PCBP3: variants seen among roughly 807,000 people sequenced by gnomAD.
PCBP3 encodes the protein poly(rC) binding protein 3, also known as poly(rC)-binding protein 3.
Under a neutral mutation model 52.7 loss-of-function variants are expected in PCBP3, and 25 were observed. The observed-to-expected ratio is 0.47, with a 90% CI of 0.35 to 0.66. The LOEUF (loss-of-function observed/expected upper bound fraction) is 0.66. Ranked by LOEUF, PCBP3 falls within the 30% of genes least tolerant of loss-of-function variation. PCBP3 has a pLI of 0.01. For synonymous variants in PCBP3, 162 were observed against 183.0 expected, an observed-to-expected ratio of 0.89 and a Z score of 0.93; for missense variants, 391 against 490.3, an observed-to-expected ratio of 0.80 and a Z score of 1.91.
At chr21:45,852,042 A>G (rs1218703972) in intron 5 of PCBP3, among the ~76,000 whole-genome samples, 1 of 152,252 alleles carries the variant, frequency 6.6e-6, no homozygotes, top group Non-Finnish European at 1.5e-5. Flanking sequence ...TCTGTTAACA[A>G]TAGGGTGACT....
At chr21:45,689,692 A>G (rs1245832030) in intron 2 of PCBP3, among the ~76,000 whole-genome samples, 1 of 152,154 alleles carries the variant, frequency 6.6e-6, no homozygotes, top group East Asian at 1.9e-4. Flanking sequence ...AATTGAGGAT[A>G]CAAGTTCAAT....
chr21:45,833,369 A>G (rs1449861273), intron 4 of PCBP3, among the ~76,000 whole-genome samples: 1 of 152,148 alleles, frequency 6.6e-6, no homozygotes, highest in Non-Finnish European at 1.5e-5. Context: ...CTCTGTAAAG[A>G]AGGCAATGCC....
At chr21:45,658,084 A>G (rs779558111) in intron 1 of PCBP3, among the ~76,000 whole-genome samples, 1 of 152,150 alleles carries the variant, frequency 6.6e-6, no homozygotes, top group Admixed American at 6.5e-5. Flanking sequence ...TTTCCCTTCT[A>G]TCCCTATTTT....
At chr21:45,776,872 A>T (rs917592622) in intron 4 of PCBP3, among the ~76,000 whole-genome samples, 1 of 152,044 alleles carries the variant, frequency 6.6e-6, no homozygotes, top group Admixed American at 6.6e-5. Context: ...ATTATATGAC[A>T]GGTTTGTTTC....
intron 4 of PCBP3, among the ~76,000 whole-genome samples, chr21:45,822,642 T>G (rs542601406): frequency 1.3e-5 from 2 of 149,698 alleles, no homozygotes; most frequent in African/African-American, 5.0e-5. Context: ...GGACCCGGCA[T>G]GGGACAGGGT....
intron 2 of PCBP3, among the ~76,000 whole-genome samples, chr21:45,727,432 T>C (rs2085132408): frequency 6.6e-6 from 1 of 152,166 alleles, no homozygotes; most frequent in Non-Finnish European, 1.5e-5. Flanking sequence ...AAGAAAGTGT[T>C]TGTACCCACA....
At chr21:45,862,884 C>T (rs1422260518) in intron 5 of PCBP3, among the ~76,000 whole-genome samples, 1 of 152,210 alleles carries the variant, frequency 6.6e-6, no homozygotes, top group East Asian at 1.9e-4. Context: ...GGTAAGAAGC[C>T]TGTAACAGAA....
At chr21:45,933,251 A>G (rs554602715) in intron 15 of PCBP3, among the ~76,000 whole-genome samples, 9 of 152,190 alleles carry the variant, frequency 5.9e-5, no homozygotes, top group Non-Finnish European at 1.2e-4. Context: ...CTTGAGATGA[A>G]TGAACACATC....
At position 45,688,876 on chromosome 21, in the gene PCBP3, C is replaced by A. The variant is rs556279302; in HGVS notation, c.-200+19924C>A. Among the ~76,000 whole-genome samples, 182 of 149,206 alleles carry A rather than the reference C, an allele frequency of 1.2e-3. 1 individual carries two copies. Among genetic ancestry groups the A allele is most frequent in the Admixed American group, 8.4e-3 (127 of 15,076 alleles). On this transcript the variant is annotated intron_variant, in intron 2 of 17. Transcript: ENST00000681687. ...AAAATTCAGTACCTTAAAAAAAAAA[C>A]AACAACAAAAACAAATTACTAAAAT...
Position 45,827,981 on chromosome 21 carries a change from T to G in PCBP3, c.-125-21980T>G, listed in dbSNP as rs570002136. The stretch of plus-strand genomic sequence containing the variant: ...CCAGTGGCTGATACATAGACAAGTT[T>G]ATTTCCTGTTCACCTGTGTCAGCTG... On this transcript the variant is annotated intron_variant, in intron 4 of 17. Coordinates refer to ENST00000681687, the MANE Select transcript of PCBP3 (RefSeq NM_001384156.1). This position sits in a 1 kb window ranked among gnomAD's most constrained non-coding sequence, Gnocchi z 4.3. 1.9e-4 allele frequency: 29 copies of G among 152,442 alleles called. No homozygotes were observed. The highest frequency in any genetic ancestry group is 5.3e-4 in the African/African-American group (22 of 41,566). 9.4% of individuals were successfully genotyped at this position (152,442 alleles called of 1,614,324 possible). A position where few individuals can be genotyped will look rare whatever the true frequency, so the allele number is the denominator to read the frequency against.
intron 3 of PCBP3, among the ~76,000 whole-genome samples, chr21:45,740,348 A>C (rs1020471569): frequency 6.6e-6 from 1 of 152,204 alleles, no homozygotes; most frequent in Non-Finnish European, 1.5e-5. Flanking sequence ...GGGATGACTT[A>C]GTAGCTCCCA....
chr21:45,870,201 AT>A (rs1173790292), intron 5 of PCBP3, among the ~76,000 whole-genome samples: 1 of 149,306 alleles, frequency 6.7e-6, no homozygotes, highest in Non-Finnish European at 1.5e-5. Flanking sequence ...TTTCTTAGTG[AT>A]TTTTTTTCTT....
intron 4 of PCBP3, among the ~76,000 whole-genome samples, chr21:45,775,365 G>T (rs1326618171): frequency 6.7e-6 from 1 of 150,240 alleles, no homozygotes; most frequent in Non-Finnish European, 1.5e-5. Flanking sequence ...TAATTTAAAT[G>T]CCTCCTTATT....
intron 2 of PCBP3, among the ~76,000 whole-genome samples, chr21:45,693,653 A>C (rs2082610956): frequency 6.6e-6 from 1 of 152,174 alleles, no homozygotes; most frequent in South Asian, 2.1e-4. Flanking sequence ...GAAGAATTTC[A>C]ATGCTGACAG....
At chr21:45,921,412 C>T (rs2074414277) in intron 13 of PCBP3, among the ~76,000 whole-genome samples, 1 of 152,130 alleles carries the variant, frequency 6.6e-6, no homozygotes, top group East Asian at 1.9e-4. Context: ...AAATACATTC[C>T]TTAGGTTTGA....
chr21:45,692,217 C>T (rs1454013052), intron 2 of PCBP3, among the ~76,000 whole-genome samples: 1 of 151,900 alleles, frequency 6.6e-6, no homozygotes, highest in African/African-American at 2.4e-5. Context: ...TAAACAGAGA[C>T]CTTAGGTTGT....
intron 4 of PCBP3, among the ~76,000 whole-genome samples, chr21:45,770,197 G>A (rs1010033048): frequency 5.9e-5 from 9 of 152,200 alleles, no homozygotes; most frequent in Admixed American, 5.2e-4. Context: ...TCAAATTAGC[G>A]AACAGAAGAT....
chr21:45,926,782 T>C (rs1265286052), intron 13 of PCBP3, among the ~76,000 whole-genome samples: 1 of 150,776 alleles, frequency 6.6e-6, no homozygotes. Flanking sequence ...GGAGAAAATA[T>C]AGAAGAATGT....
At position 45,788,799 on chromosome 21, in the gene PCBP3, A is replaced by G. The variant is rs1467252938; in HGVS notation, c.-126+33347A>G. On this transcript the variant is annotated intron_variant, in intron 4 of 17. Transcript: ENST00000681687. This position sits in a 1 kb window ranked among gnomAD's most constrained non-coding sequence, Gnocchi z 4.3. ...TTTCTTAAACAACATGATCTGGAGT[A>G]TGTGGTGACTGTCAACTTTTCATCT... The G allele has an allele frequency of 1.3e-5, 2 of 152,240 alleles. No individual in the cohort carries two copies. The highest frequency in any genetic ancestry group is 4.8e-5 in the African/African-American group (2 of 41,456). The allele number at this position is 152,240 out of a possible 1,614,324, so 9.4% of individuals were successfully genotyped here. A position where few individuals can be genotyped will look rare whatever the true frequency, so the allele number is the denominator to read the frequency against.
Sources: allele counts gnomAD v4.1 joint callset (sites outside exome capture counted in the v4.1 genomes callset), GRCh38; gene constraint gnomAD v4.1.1; non-coding constraint Gnocchi (gnomAD v3.1); transcripts MANE v1.5; gene names NCBI Gene and HGNC (gene_info 2026-07-23, HGNC 2026-07-21).